DCAF6: variants seen among roughly 807,000 people sequenced by gnomAD.
The protein encoded by DCAF6 is DDB1- and CUL4-associated factor 6.
Under a neutral mutation model 125.1 loss-of-function variants are expected in DCAF6, and 54 were observed. The ratio of observed to expected loss-of-function variants is 0.43; its 90% CI spans 0.35 to 0.54. The LOEUF is 0.54. Ranked by LOEUF, DCAF6 falls within the 20% of genes least tolerant of loss-of-function variation. The pLI, the probability that DCAF6 is intolerant of heterozygous loss-of-function variation, is 0.01. For synonymous variants in DCAF6, 371 were observed against 390.4 expected (o/e 0.95, Z 0.58); for missense variants, 934 against 1,161.7 (o/e 0.80, Z 2.85).
chr1:167,976,088 A>G (rs1427053573), intron 4 of DCAF6, among the ~76,000 whole-genome samples: 1 of 151,916 alleles, frequency 6.6e-6, no homozygotes, highest in Non-Finnish European at 1.5e-5. Flanking sequence ...GTGAGTTCTG[A>G]TATATTTGGA....
In DCAF6 at chr1:167,983,275, T is replaced by C. The variant is rs538665871; in HGVS notation, c.439-4220T>C. Among the ~76,000 whole-genome samples, 5 of 152,344 alleles carry C rather than the reference T, an allele frequency of 3.3e-5. No homozygotes were observed. In the South Asian group the frequency reaches 1.0e-3, roughly 32 times the overall value. On this transcript the variant is annotated intron_variant, in intron 4 of 21. Transcript: ENST00000367840. Reference sequence around the variant, plus strand: ...GGGCTGAATGGTCATTTTAACGATATTGATTCTTCCAATCCGTGAGCATGA... The same window carrying C: ...GGGCTGAATGGTCATTTTAACGATACTGATTCTTCCAATCCGTGAGCATGA...
At chr1:167,877,722 G>A in the DCAF6 span, among the ~76,000 whole-genome samples, 1 of 152,150 alleles carries the variant, frequency 6.6e-6, no homozygotes, top group Non-Finnish European at 1.5e-5. Flanking sequence ...GGAAGACAAA[G>A]GGGGAAAGAG....
intron 4 of DCAF6, among the ~76,000 whole-genome samples, chr1:167,982,089 C>T (rs1571789658): frequency 6.6e-6 from 1 of 152,136 alleles, no homozygotes; most frequent in Non-Finnish European, 1.5e-5. Context: ...GATGGTATCT[C>T]ATTGTGGTTT....
chr1:168,000,999 A>G (rs1230127326), intron 7 of DCAF6, among the ~76,000 whole-genome samples: 1 of 152,198 alleles, frequency 6.6e-6, no homozygotes, highest in East Asian at 1.9e-4. Flanking sequence ...TTATATTTCA[A>G]TACAAAAATG....
chr1:167,880,272 G>A, the DCAF6 span: 1 of 1,298,790 alleles, frequency 7.7e-7, no homozygotes, highest in Non-Finnish European at 1.1e-6. Flanking sequence ...GGGAAATAAT[G>A]TCTGGGTTGG....
intron 15 of DCAF6, 47 bp from the exon 16 acceptor site, chr1:168,044,853 T>C: frequency 1.3e-6 from 2 of 1,578,724 alleles, no homozygotes; most frequent in Non-Finnish European, 1.7e-6. Flanking sequence ...AAATAATTAG[T>C]ATTGCCCACA....
intron 2 of DCAF6, among the ~76,000 whole-genome samples, chr1:167,956,720 A>G (rs1180217137): frequency 6.6e-6 from 1 of 152,090 alleles, no homozygotes; most frequent in East Asian, 1.9e-4. Flanking sequence ...TCTTCTAAAT[A>G]TTGTTTTAGC....
intron 4 of DCAF6, among the ~76,000 whole-genome samples, chr1:167,985,205 GT>G (rs1278339994): frequency 2.3e-4 from 34 of 147,480 alleles, no homozygotes; most frequent in Admixed American, 4.8e-4. Context: ...GTGTGTGTGT[GT>G]GTGTGGTGTG....
At chr1:167,948,668 T>C (rs1485666113) in intron 1 of DCAF6, among the ~76,000 whole-genome samples, 1 of 152,198 alleles carries the variant, frequency 6.6e-6, no homozygotes, top group Non-Finnish European at 1.5e-5. Flanking sequence ...TTTTATTTTT[T>C]TGAGGTGGAG....
the DCAF6 span, among the ~76,000 whole-genome samples, chr1:167,877,250 T>A: frequency 1.4e-5 from 2 of 148,058 alleles, no homozygotes; most frequent in African/African-American, 5.0e-5. Context: ...TCTCGTATGG[T>A]CAATATTAAG....
the DCAF6 span, among the ~76,000 whole-genome samples, chr1:167,907,743 TA>T: frequency 6.6e-6 from 1 of 152,242 alleles, no homozygotes; most frequent in Non-Finnish European, 1.5e-5. Flanking sequence ...TTGGAAGAGT[TA>T]TTAAACTTTT....
At chr1:168,049,620 A>G (rs1572095359) in intron 16 of DCAF6, among the ~76,000 whole-genome samples, 1 of 132,658 alleles carries the variant, frequency 7.5e-6, no homozygotes, top group South Asian at 2.4e-4. Context: ...TGTGGTTGAG[A>G]TCTCTGTTTA....
At chr1:167,894,004 G>A in the DCAF6 span, 1 of 1,151,650 alleles carries the variant, frequency 8.7e-7, no homozygotes, top group African/African-American at 1.5e-5. Flanking sequence ...GTGCTAGTGA[G>A]AGGAGGCTCC....
At chr1:167,946,438 T>C (rs566169679) in intron 1 of DCAF6, among the ~76,000 whole-genome samples, 1 of 152,316 alleles carries the variant, frequency 6.6e-6, no homozygotes, top group East Asian at 1.9e-4. Flanking sequence ...TAGGCATCCT[T>C]GTTTTCTTCC....
intron 4 of DCAF6, among the ~76,000 whole-genome samples, chr1:167,976,937 C>CTTG (rs1257948198): frequency 2.2e-5 from 2 of 90,100 alleles, no homozygotes. Flanking sequence ...GAGTTTCGCT[C>CTTG]TTGTTGCCCA....
chr1:168,063,772 C>G lies in DCAF6; in HGVS notation c.2439+13C>G, dbSNP rs372506722. The G allele has an allele frequency of 3.0e-5, 47 of 1,591,064 alleles. No individual in the cohort carries two copies. The African/African-American group carries it at 5.3e-4, about 18-fold the overall frequency. The stretch of plus-strand genomic sequence containing the variant: ...CTCCAGGACAATGGTACCAAATGTT[C>G]ATGGCATTTTTTGGTGAAATTGCAG... On this transcript the variant is annotated intron_variant, in intron 18 of 21. Transcript: ENST00000367840.
At position 168,003,855 on chromosome 1, in the gene DCAF6, C is replaced by A. The variant is rs779357492; in HGVS notation, c.998-15C>A. On this transcript the variant is annotated splice_polypyrimidine_tract_variant and intron_variant, in intron 8 of 21. Coordinates refer to ENST00000367840, the MANE Select transcript of DCAF6 (RefSeq NM_001198956.2). Reference sequence around the variant, plus strand: ...CTTATTACTAAACTCACTGATAAGACCTATATTGTAATAGGAGAGCAGAGT... The same window carrying A: ...CTTATTACTAAACTCACTGATAAGAACTATATTGTAATAGGAGAGCAGAGT... 9.3e-6 allele frequency: 15 copies of A among 1,605,762 alleles called. No individual in the cohort carries two copies. In the African/African-American group the frequency reaches 1.3e-4, roughly 14 times the overall value.
intron 12 of DCAF6, among the ~76,000 whole-genome samples, chr1:168,031,749 A>G (rs1328785814): frequency 6.6e-6 from 1 of 152,202 alleles, no homozygotes; most frequent in African/African-American, 2.4e-5. Context: ...CAGTCATGAA[A>G]AGAAATACTG....
intron 3 of DCAF6, among the ~76,000 whole-genome samples, chr1:167,972,770 A>G (rs548783715): frequency 8.9e-4 from 135 of 152,180 alleles, no homozygotes; most frequent in Non-Finnish European, 1.7e-3. Context: ...TGAGATGGAG[A>G]ACACTGGAAG....
Sources: allele counts gnomAD v4.1 joint callset (sites outside exome capture counted in the v4.1 genomes callset), GRCh38; gene constraint gnomAD v4.1.1; transcripts MANE v1.5; gene names NCBI Gene and HGNC (gene_info 2026-07-23, HGNC 2026-07-21).